Variants in MAGI2 observed in about 807,000 individuals in gnomAD.
The protein encoded by MAGI2 is membrane associated guanylate kinase, WW and PDZ domain containing 2.
Under a neutral mutation model 133.3 loss-of-function variants are expected in MAGI2, and 35 were observed. That is an observed-to-expected ratio of 0.26 (90% CI 0.20 to 0.35). The LOEUF is 0.35. Among genes scored for constraint, MAGI2 ranks in the 10% least tolerant of loss-of-function variants. The probability of loss-of-function intolerance (pLI) is 1.00; values close to 1 mark genes in which losing one functional copy is unlikely to be tolerated. For missense variants in MAGI2, 1,636 were observed against 1,863.4 expected (o/e 0.88, Z 2.25); for synonymous variants, 729 against 710.6 (o/e 1.03, Z -0.41).
intron 1 of MAGI2, among the ~76,000 whole-genome samples, chr7:79,086,938 T>C (rs1816558504): frequency 6.6e-6 from 1 of 151,706 alleles, no homozygotes; most frequent in Non-Finnish European, 1.5e-5. Flanking sequence ...CTCCATTATA[T>C]AAATATTAAT....
chr7:79,124,228 C>T (rs1820186062), intron 1 of MAGI2, among the ~76,000 whole-genome samples: 1 of 152,114 alleles, frequency 6.6e-6, no homozygotes, highest in South Asian at 2.1e-4. Context: ...ACCTAAAACA[C>T]CATTGTTTAG....
At chr7:78,732,264 C>T (rs1418008829) in intron 2 of MAGI2, among the ~76,000 whole-genome samples, 1 of 152,122 alleles carries the variant, frequency 6.6e-6, no homozygotes, top group Non-Finnish European at 1.5e-5. Context: ...GCCTATATTT[C>T]ATCACCTAGT....
chr7:78,637,444 A>G (rs1461412114), intron 2 of MAGI2, among the ~76,000 whole-genome samples: 1 of 84,404 alleles, frequency 1.2e-5, no homozygotes, highest in African/African-American at 3.5e-5. Flanking sequence ...AAAAAAAAAT[A>G]AGCATCTAAT....
chr7:78,936,091 A>C (rs1415806981), intron 2 of MAGI2, among the ~76,000 whole-genome samples: 1 of 152,150 alleles, frequency 6.6e-6, no homozygotes, highest in Non-Finnish European at 1.5e-5. Context: ...AAATTACATG[A>C]ATATTAATTA....
intron 1 of MAGI2, among the ~76,000 whole-genome samples, chr7:79,251,866 T>TA (rs932644700): frequency 1.6e-3 from 230 of 148,078 alleles, no homozygotes; most frequent in African/African-American, 5.0e-3. Flanking sequence ...TGAATGGATT[T>TA]AAAAAAAAAA....
intron 3 of MAGI2, among the ~76,000 whole-genome samples, chr7:78,536,436 C>T (rs1257296279): frequency 1.3e-5 from 2 of 152,026 alleles, no homozygotes; most frequent in Non-Finnish European, 2.9e-5. Flanking sequence ...ATGGTGATTC[C>T]CCTGTCTTGA....
chr7:78,770,099 G>A (rs1825429467), intron 2 of MAGI2, among the ~76,000 whole-genome samples: 1 of 152,226 alleles, frequency 6.6e-6, no homozygotes, highest in Non-Finnish European at 1.5e-5. Flanking sequence ...GAAAGCACAA[G>A]CAATGCTTTC....
intron 6 of MAGI2, among the ~76,000 whole-genome samples, chr7:78,461,193 G>C (rs1432664217): frequency 2.0e-5 from 3 of 151,948 alleles, no homozygotes; most frequent in African/African-American, 7.3e-5. Context: ...AGTGCCTACT[G>C]TTTGCGAAGA....
chr7:78,728,368 C>T (rs984424652), intron 2 of MAGI2, among the ~76,000 whole-genome samples: 3 of 151,988 alleles, frequency 2.0e-5, no homozygotes, highest in African/African-American at 7.2e-5. Flanking sequence ...ATGCTATACC[C>T]GCATGAATTA....
At chr7:79,254,959 C>T (rs7782585) in intron 1 of MAGI2, among the ~76,000 whole-genome samples, 86,032 of 151,970 alleles carry the variant, frequency 0.57, 26,164 homozygotes, top group Non-Finnish European at 0.68. Flanking sequence ...AGGATTCTCT[C>T]GCTAGTATTC....
At chr7:78,951,873 C>T (rs1474455232) in intron 2 of MAGI2, among the ~76,000 whole-genome samples, 1 of 152,196 alleles carries the variant, frequency 6.6e-6, no homozygotes, top group East Asian at 1.9e-4. Flanking sequence ...TTATCACATC[C>T]TCTACACTGA....
At chr7:79,171,759 TATA>T (rs1825596971) in intron 1 of MAGI2, among the ~76,000 whole-genome samples, 2 of 37,118 alleles carry the variant, frequency 5.4e-5, no homozygotes, top group Non-Finnish European at 1.5e-4. Flanking sequence ...TATATATATA[TATA>T]TATATATATT....
chr7:79,018,009 A>G (rs1808910151), intron 1 of MAGI2, among the ~76,000 whole-genome samples: 2 of 152,140 alleles, frequency 1.3e-5, no homozygotes, highest in South Asian at 4.1e-4. Context: ...TGGAAAACAT[A>G]TTTCAGAATA....
At chr7:79,278,849 T>C (rs1170197623) in intron 1 of MAGI2, among the ~76,000 whole-genome samples, 1 of 152,112 alleles carries the variant, frequency 6.6e-6, no homozygotes, top group African/African-American at 2.4e-5. Context: ...CTTTGAACAT[T>C]TTTTTTCCTC....
At chr7:78,056,679 G>T (rs1394796838) in intron 21 of MAGI2, among the ~76,000 whole-genome samples, 2 of 152,044 alleles carry the variant, frequency 1.3e-5, no homozygotes, top group Admixed American at 6.6e-5. Flanking sequence ...GGCTTGGGGG[G>T]AAGGAGAGCA....
intron 6 of MAGI2, among the ~76,000 whole-genome samples, chr7:78,377,252 A>G (rs1794525458): frequency 6.6e-6 from 1 of 152,116 alleles, no homozygotes; most frequent in Admixed American, 6.6e-5. Context: ...AAAGTTATAT[A>G]TAAGTAGGGA....
intron 1 of MAGI2, among the ~76,000 whole-genome samples, chr7:79,126,595 T>A (rs1342344494): frequency 6.6e-6 from 1 of 152,082 alleles, no homozygotes; most frequent in Admixed American, 6.6e-5. Context: ...AGCCAGAGAC[T>A]TACAAATTCC....
chr7:78,073,887 T>C (rs1213326720), intron 21 of MAGI2, among the ~76,000 whole-genome samples: 3 of 152,206 alleles, frequency 2.0e-5, no homozygotes, highest in Non-Finnish European at 4.4e-5. Context: ...CATCTTCTGA[T>C]TCTCTTCTCA....
chr7:78,037,541 T>G (rs1168383901), intron 21 of MAGI2, among the ~76,000 whole-genome samples: 1 of 152,200 alleles, frequency 6.6e-6, no homozygotes, highest in Non-Finnish European at 1.5e-5. Flanking sequence ...AGGGCTCATA[T>G]ATAATGGCCG....
Sources: gnomAD v4.1 joint callset for allele counts (sites outside exome capture counted in the v4.1 genomes callset) on GRCh38, gnomAD v4.1.1 for gene constraint, MANE v1.5 for transcripts, NCBI Gene and HGNC (gene_info 2026-07-23, HGNC 2026-07-21) for gene names.